ABCA5: variants seen among roughly 807,000 people sequenced by gnomAD.
ABCA5 encodes cholesterol transporter ABCA5.
A neutral mutation model predicts 206.0 loss-of-function variants in ABCA5; 163 were observed. The observed-to-expected ratio is 0.79, with a 90% CI of 0.70 to 0.90. ABCA5 has a LOEUF of 0.90. Ranked by LOEUF, ABCA5 falls within the 40% of genes least tolerant of loss-of-function variation. The probability of loss-of-function intolerance (pLI) is 0.00; values close to 1 mark genes in which losing one functional copy is unlikely to be tolerated. For synonymous variants in ABCA5, 609 were observed against 613.8 expected (o/e 0.99, Z 0.11); for missense variants, 1,859 against 1,912.9 (o/e 0.97, Z 0.53).
intron 34 of ABCA5, 59 bp from the exon 35 acceptor site, chr17:69,251,925 G>A (rs1041242161): frequency 1.3e-6 from 2 of 1,576,248 alleles, no homozygotes; most frequent in Non-Finnish European, 1.7e-6. Context: ...AAAAAAAATG[G>A]GTTTTTAAAA....
intron 19 of ABCA5, among the ~76,000 whole-genome samples, chr17:69,275,842 G>A (rs568466585): frequency 1.3e-5 from 2 of 152,008 alleles, no homozygotes; most frequent in Non-Finnish European, 1.5e-5. Flanking sequence ...CCCCATGATG[G>A]GATTAGTACA....
In ABCA5 at chr17:69,289,135, T is replaced by C. The variant is rs754028867; in HGVS notation, c.1902+42A>G. 11 of 1,567,796 alleles carry C rather than the reference T, an allele frequency of 7.0e-6. No individual in the cohort carries two copies. In the African/African-American group the frequency reaches 1.5e-4, roughly 22 times the overall value. On this transcript the variant is annotated intron_variant, in intron 14 of 38. Transcript: ENST00000392676. ...CTACAACCTGCTTTTTAATTCGACA[T>C]AATTTAAAATGAGCTCATCTGTAAA... is the stretch of plus-strand genomic sequence containing the variant.
At chr17:69,301,943 A>G (rs1229659160) in intron 8 of ABCA5, among the ~76,000 whole-genome samples, 1 of 152,174 alleles carries the variant, frequency 6.6e-6, no homozygotes, top group East Asian at 1.9e-4. Flanking sequence ...CTATGAATCT[A>G]TAATTCTTCG....
intron 10 of ABCA5, among the ~76,000 whole-genome samples, chr17:69,295,050 TA>T (rs1483810905): frequency 3.9e-5 from 6 of 152,182 alleles, no homozygotes; most frequent in Non-Finnish European, 7.4e-5. Context: ...TTGTAGGTTT[TA>T]CATGTTAAAC....
intron 9 of ABCA5, among the ~76,000 whole-genome samples, chr17:69,298,229 TAGGA>T (rs1190899981): frequency 0.016 from 545 of 33,460 alleles, 15 homozygotes; most frequent in African/African-American, 0.047. Context: ...GGAAGGTAGG[TAGGA>T]AGGAAGGAAG....
In ABCA5 at chr17:69,287,616, C is replaced by A. The variant is rs1212087552; in HGVS notation, c.2038G>T (p.Ala680Ser). The A allele has an allele frequency of 1.8e-5, 29 of 1,608,382 alleles. No homozygotes were observed. Among genetic ancestry groups the A allele is most frequent in the Non-Finnish European group, 2.3e-5 (27 of 1,177,890 alleles). Residue 680 changes from alanine to serine, a missense_variant, in exon 15 of 39, where the codon GCA (alanine) becomes TCA (serine). By Grantham distance (99) the Ala-to-Ser change is moderately conservative. Coordinates refer to ENST00000392676, the MANE Select transcript of ABCA5 (RefSeq NM_172232.4). The part of the protein sequence containing the change: ...THFMDEADIL[A>S]DRKAVISQGM... ...GAAAATAAAACAAAAATCTCACCTG[C>A]AAGAATGTCAGCTTCATCCATGAAA...
At chr17:69,272,875 T>C (rs1344755761) in intron 20 of ABCA5, among the ~76,000 whole-genome samples, 1 of 152,182 alleles carries the variant, frequency 6.6e-6, no homozygotes, top group Non-Finnish European at 1.5e-5. Flanking sequence ...TGCTTATTAT[T>C]TTAATACTGG....
intron 9 of ABCA5, among the ~76,000 whole-genome samples, chr17:69,298,316 G>GAGGAAGGTAGGAAGGAAGGA (rs2075612816): frequency 2.4e-5 from 1 of 42,058 alleles, no homozygotes; most frequent in African/African-American, 6.3e-5. Context: ...AAGAGAGAGA[G>GAGGAAGGTAGGAAGGAAGGA]AGGAAGGAAG....
At chr17:69,262,786 G>A (rs2144916012) in intron 24 of ABCA5, among the ~76,000 whole-genome samples, 1 of 151,956 alleles carries the variant, frequency 6.6e-6, no homozygotes, top group South Asian at 2.1e-4. Flanking sequence ...TCTGTTTTAA[G>A]TTTTTTGAGA....
At chr17:69,279,932 A>G (rs1211221043) in intron 18 of ABCA5, among the ~76,000 whole-genome samples, 1 of 152,248 alleles carries the variant, frequency 6.6e-6, no homozygotes, top group Non-Finnish European at 1.5e-5. Flanking sequence ...TAAAAACCCT[A>G]GAAGAAAACC....
chr17:69,309,783 T>C (rs946396073), intron 3 of ABCA5, among the ~76,000 whole-genome samples: 1 of 152,062 alleles, frequency 6.6e-6, no homozygotes, highest in Admixed American at 6.6e-5. Context: ...GAGGCTGCAG[T>C]GAGCCATAAC....
At chr17:69,313,867 G>A (rs1485991266) in intron 2 of ABCA5, among the ~76,000 whole-genome samples, 1 of 152,072 alleles carries the variant, frequency 6.6e-6, no homozygotes, top group Non-Finnish European at 1.5e-5. Context: ...TTACTAGCTG[G>A]TTACCCAAGT....
Position 69,289,255 on chromosome 17 carries a change from T to C in ABCA5, c.1824A>G (p.Lys608=). ...CACTTAATTTTTTAGCTTGGTTATC[T>C]TTGATAGTCTGCATGTCTAAATCTA... ...VLLDLDMQTI[K]DNQAKKLSGG... is the part of the protein sequence containing the mutation. The change falls in exon 14 of 39, where the codon AAA becomes AAG. Residue 608 remains lysine (K), a synonymous_variant. Transcript: ENST00000392676. 6.2e-7 allele frequency: 1 copy of C among 1,606,894 alleles called. No individual in the cohort carries two copies. Among genetic ancestry groups the C allele is most frequent in the Non-Finnish European group, 8.5e-7 (1 of 1,176,986 alleles).
intron 32 of ABCA5, 96 bp downstream of exon 32, chr17:69,254,219 C>A (rs1490114747): frequency 3.0e-6 from 3 of 1,010,950 alleles, no homozygotes; most frequent in Admixed American, 2.6e-5. Flanking sequence ...CTATAAAAAT[C>A]ATTGTCCACA....
chr17:69,278,264 T>C (rs539071635), intron 18 of ABCA5, among the ~76,000 whole-genome samples: 2 of 152,312 alleles, frequency 1.3e-5, no homozygotes, highest in Admixed American at 1.3e-4. Context: ...TAGTTCAAAA[T>C]CAAACTGGAT....
chr17:69,300,286 C>T (rs2075639088), intron 9 of ABCA5, among the ~76,000 whole-genome samples: 1 of 152,148 alleles, frequency 6.6e-6, no homozygotes, highest in Non-Finnish European at 1.5e-5. Context: ...GAATTGAATG[C>T]TGCCACTGAT....
At chr17:69,248,180 C>A in intron 38 of ABCA5, 82 bp downstream of exon 38, 3 of 773,414 alleles carry the variant, frequency 3.9e-6, no homozygotes, top group Non-Finnish European at 6.3e-6. Flanking sequence ...CGATATCTCT[C>A]CCTCTCTAAT....
In ABCA5 at chr17:69,285,346, TTA is replaced by T. The variant is rs1380942131; in HGVS notation, c.2272+550_2272+551del. The T allele has an allele frequency of 3.3e-5, 5 of 152,230 alleles. No homozygotes were observed. In the East Asian group the frequency reaches 7.7e-4, roughly 24 times the overall value. 9.4% of individuals were successfully genotyped at this position (152,230 alleles called of 1,614,324 possible). A position where few individuals can be genotyped will look rare whatever the true frequency, so the allele number is the denominator to read the frequency against. On this transcript the variant is annotated intron_variant, in intron 17 of 38. Coordinates refer to ENST00000392676, the MANE Select transcript of ABCA5 (RefSeq NM_172232.4). ...AAAAAAAAAACAAGTATTTTTCTGA[TTA>T]TGAGATAAATGCTATGAAAATTCTG...
intron 18 of ABCA5, among the ~76,000 whole-genome samples, chr17:69,282,262 GAGT>G (rs2075402156): frequency 6.6e-6 from 1 of 152,092 alleles, no homozygotes; most frequent in Non-Finnish European, 1.5e-5. Flanking sequence ...TGAAAAAGTA[GAGT>G]AATAATTGCT....
Sources: gnomAD v4.1 joint callset for allele counts (sites outside exome capture counted in the v4.1 genomes callset) on GRCh38, gnomAD v4.1.1 for gene constraint, MANE v1.5 for transcripts, NCBI Gene and HGNC (gene_info 2026-07-23, HGNC 2026-07-21) for gene names.